OSTN: variants seen among roughly 807,000 people sequenced by gnomAD.
OSTN encodes the protein osteocrin.
Under a neutral mutation model 12.0 loss-of-function variants are expected in OSTN, and 9 were observed. The ratio of observed to expected loss-of-function variants is 0.75; its 90% CI spans 0.45 to 1.30. The LOEUF (loss-of-function observed/expected upper bound fraction) is 1.30. Ranked by LOEUF, OSTN falls within the 50% of genes most tolerant of loss-of-function variation. The probability of loss-of-function intolerance (pLI) is 0.00; values close to 1 mark genes in which losing one functional copy is unlikely to be tolerated. For synonymous variants in OSTN, 59 were observed against 56.9 expected (o/e 1.04, Z -0.16); for missense variants, 148 against 152.3 (o/e 0.97, Z 0.15).
chr3:191,255,882 A>G (rs1321784405), intron 4 of OSTN, among the ~76,000 whole-genome samples: 1 of 152,068 alleles, frequency 6.6e-6, no homozygotes, highest in Non-Finnish European at 1.5e-5. Context: ...TTTTAATTAG[A>G]GTCCTAAAAA....
chr3:191,257,909 C>T (rs2108556150), intron 4 of OSTN, among the ~76,000 whole-genome samples: 1 of 152,180 alleles, frequency 6.6e-6, no homozygotes, highest in African/African-American at 2.4e-5. Flanking sequence ...TACATATATA[C>T]ATATACATGT....
intron 3 of OSTN, among the ~76,000 whole-genome samples, chr3:191,233,751 T>TGGGA (rs1014513089): frequency 6.6e-6 from 1 of 152,172 alleles, no homozygotes; most frequent in Non-Finnish European, 1.5e-5. Context: ...CCCAGCACTT[T>TGGGA]GGGAGGCCGA....
intron 1 of OSTN, among the ~76,000 whole-genome samples, chr3:191,212,271 G>A (rs973911899): frequency 6.6e-6 from 1 of 152,026 alleles, no homozygotes; most frequent in Non-Finnish European, 1.5e-5. Context: ...TCATATTGTG[G>A]GTCAGTTTGA....
In OSTN at chr3:191,218,728, G is replaced by T. The variant is rs778109141; in HGVS notation, c.103-19G>T. The T allele has an allele frequency of 6.2e-7, 1 of 1,600,484 alleles. No individual in the cohort carries two copies. ...TCTCTTTGTCTAAATTAACGGAATC[G>T]CCTTTCTCTGCCTTATAGGCCTTTG... is the stretch of plus-strand genomic sequence containing the variant. On this transcript the variant is annotated intron_variant, in intron 2 of 4. Transcript: ENST00000682035.
intron 3 of OSTN, among the ~76,000 whole-genome samples, chr3:191,234,846 C>G (rs1292236523): frequency 6.6e-6 from 1 of 151,848 alleles, no homozygotes. Context: ...TCTGTCTTCC[C>G]CAAATTATCT....
intron 3 of OSTN, among the ~76,000 whole-genome samples, chr3:191,241,087 G>A: frequency 6.8e-6 from 1 of 147,234 alleles, no homozygotes; most frequent in South Asian, 2.3e-4. Context: ...TGAACTATTT[G>A]AAAGAACATT....
chr3:191,212,632 G>T lies in OSTN; in HGVS notation c.100G>T (p.Glu34Ter). ...KVLSVDVTTT[E>*]AFDSGVIDVQ... ...CCTCTCAGTAGATGTAACAACAACA[G>T]AGGTAATGGAAACTAGCTTACAGAA... Residue 34 changes from glutamate (E) to a stop codon, truncating the protein, a stop_gained and splice_region_variant, in exon 2 of 5, where the codon GAG (glutamate) becomes TAG (stop). Transcript: ENST00000682035. LOFTEE classifies it high-confidence loss of function. 8.7e-6 allele frequency: 13 copies of T among 1,493,252 alleles called. No homozygotes were observed. The highest frequency in any genetic ancestry group is 1.2e-5 in the Non-Finnish European group (13 of 1,102,748). 92.5% of individuals were successfully genotyped at this position (1,493,252 alleles called of 1,614,324 possible).
chr3:191,215,166 C>T (rs879654747), intron 2 of OSTN, among the ~76,000 whole-genome samples: 7 of 152,108 alleles, frequency 4.6e-5, no homozygotes, highest in Admixed American at 2.0e-4. Context: ...CACAAGGTGG[C>T]GGGAAGGAGA....
rs2108560184 is a variant in OSTN, at chr3:191,264,434, T to A, written c.*1581T>A. On this transcript the variant is annotated 3_prime_UTR_variant, in exon 5 of 5. Coordinates refer to ENST00000682035, the MANE Select transcript of OSTN (RefSeq NM_198184.2). ...ACTTCTTAGTTTTTCTGGATATTTTTAAAATTGAAAGTCTTCAAAATTAAT... is the reference window on the plus strand; with the variant it reads ...ACTTCTTAGTTTTTCTGGATATTTTAAAAATTGAAAGTCTTCAAAATTAAT... 1 of 152,272 alleles carries A rather than the reference T, an allele frequency of 6.6e-6. No individual in the cohort carries two copies. Among genetic ancestry groups the A allele is most frequent in the East Asian group, 1.9e-4 (1 of 5,190 alleles). The allele number at this position is 152,272 out of a possible 1,614,324, so 9.4% of individuals were successfully genotyped here.
intron 3 of OSTN, among the ~76,000 whole-genome samples, chr3:191,220,322 T>C (rs529659625): frequency 2.0e-5 from 3 of 152,266 alleles, no homozygotes; most frequent in Admixed American, 1.3e-4. Context: ...TCTCCTATAT[T>C]TTGAAATTTA....
At chr3:191,214,187 A>G (rs1714540179) in intron 2 of OSTN, among the ~76,000 whole-genome samples, 1 of 152,140 alleles carries the variant, frequency 6.6e-6, no homozygotes, top group African/African-American at 2.4e-5. Flanking sequence ...GGAGTACACT[A>G]AGCAGTAAAG....
intron 2 of OSTN, among the ~76,000 whole-genome samples, chr3:191,215,492 A>T (rs1714585519): frequency 6.6e-6 from 1 of 152,188 alleles, no homozygotes; most frequent in Non-Finnish European, 1.5e-5. Context: ...TTCATCTGAG[A>T]CAAGGCAAGT....
intron 2 of OSTN, among the ~76,000 whole-genome samples, chr3:191,215,710 T>G (rs2108592631): frequency 6.6e-6 from 1 of 152,308 alleles, no homozygotes; most frequent in East Asian, 1.9e-4. Flanking sequence ...TTTGACTCCA[T>G]GTCTCACATC....
chr3:191,246,705 GA>G (rs1390477042), intron 3 of OSTN, among the ~76,000 whole-genome samples: 7 of 150,500 alleles, frequency 4.7e-5, no homozygotes, highest in African/African-American at 1.7e-4. Context: ...GGATGAAAAG[GA>G]AGAAGAAGAG....
rs960149159 is a variant in OSTN at position 191,264,407 on chromosome 3, T to C, written c.*1554T>C. On this transcript the variant is annotated 3_prime_UTR_variant, in exon 5 of 5. Coordinates refer to ENST00000682035, the MANE Select transcript of OSTN (RefSeq NM_198184.2). ...AGAATATATATATTGGTTTTGTATG[T>C]AACTTCTTAGTTTTTCTGGATATTT... 8 of 152,166 alleles carry C rather than the reference T, an allele frequency of 5.3e-5. No individual in the cohort carries two copies. The highest frequency in any genetic ancestry group is 3.3e-4 in the Admixed American group (5 of 15,288). The allele number at this position is 152,166 out of a possible 1,614,324, so 9.4% of individuals were successfully genotyped here. A position where few individuals can be genotyped will look rare whatever the true frequency, so the allele number is the denominator to read the frequency against.
At chr3:191,217,539 T>C (rs192502859) in intron 2 of OSTN, among the ~76,000 whole-genome samples, 1 of 152,284 alleles carries the variant, frequency 6.6e-6, no homozygotes, top group East Asian at 1.9e-4. Flanking sequence ...AAAAGCAGTA[T>C]TTGTGGGACT....
At chr3:191,212,765 C>T in intron 2 of OSTN, 131 bp downstream of exon 2, 1 of 147,374 alleles carries the variant, frequency 6.8e-6, no homozygotes, top group Non-Finnish European at 1.2e-5. Context: ...ATTTATATAT[C>T]ATATCATATA....
chr3:191,216,111 A>G (rs1311909419), intron 2 of OSTN, among the ~76,000 whole-genome samples: 2 of 152,098 alleles, frequency 1.3e-5, no homozygotes, highest in East Asian at 1.9e-4. Context: ...ATTTACTTCA[A>G]TGTACCAGCA....
intron 1 of OSTN, 22 bp downstream of exon 1, chr3:191,199,329 A>G (rs772775014): frequency 3.3e-5 from 5 of 152,148 alleles, no homozygotes; most frequent in Non-Finnish European, 7.4e-5. Context: ...GTAAAAATTG[A>G]TAAAGATTTA....
Sources: allele counts gnomAD v4.1 joint callset (sites outside exome capture counted in the v4.1 genomes callset), GRCh38; gene constraint gnomAD v4.1.1; transcripts MANE v1.5; gene names NCBI Gene and HGNC (gene_info 2026-07-23, HGNC 2026-07-21).